APOL2: variants seen among roughly 807,000 people sequenced by gnomAD.
APOL2 encodes the protein apolipoprotein L2.
In APOL2, 8 loss-of-function variants were observed where a neutral mutation model predicts 7.1. The ratio of observed to expected loss-of-function variants is 1.12; its 90% CI spans 0.66 to 2.03. The LOEUF (loss-of-function observed/expected upper bound fraction) is 2.03, where lower values mean the gene tolerates loss of function less well. Ranked by LOEUF, APOL2 falls within the 30% of genes most tolerant of loss-of-function variation. The pLI is 0.00. For missense variants in APOL2, 471 were observed against 415.1 expected, an observed-to-expected ratio of 1.13 and a Z score of -1.17; for synonymous variants, 177 against 159.9, an observed-to-expected ratio of 1.11 and a Z score of -0.81.
At chr22:36,232,909 G>T (rs1471634315) in intron 3 of APOL2, among the ~76,000 whole-genome samples, 2 of 151,662 alleles carry the variant, frequency 1.3e-5, no homozygotes, top group East Asian at 1.9e-4. Flanking sequence ...TGAGTCATCT[G>T]CTGGGTGACA....
Position 36,228,144 on chromosome 22 carries a change from G to C in APOL2, c.274C>G (p.Leu92Val). 1 of 1,614,190 alleles carries C rather than the reference G, an allele frequency of 6.2e-7. No individual in the cohort carries two copies. Among genetic ancestry groups the C allele is most frequent in the Non-Finnish European group, 8.5e-7 (1 of 1,180,044 alleles). The change falls in exon 5 of 5, where the codon CTT becomes GTT. Residue 92 changes from leucine (L) to valine (V), a missense_variant. Coordinates refer to ENST00000358502, the MANE Select transcript of APOL2 (RefSeq NM_030882.4). ...CGGAGCTTCCTTATGTGATCCTCAA[G>C]CTCCCTTTTCAACCGAGGAAACTCT... ...LKEFPRLKRE[L>V]EDHIRKLRAL...
chr22:36,239,102 A>G, intron 1 of APOL2: 2 of 1,159,400 alleles, frequency 1.7e-6, no homozygotes, highest in South Asian at 2.9e-5. Flanking sequence ...ATTCCTTCAA[A>G]TTTCCCAAAG....
At chr22:36,233,720 C>A (rs562175315) in intron 1 of APOL2, among the ~76,000 whole-genome samples, 6 of 152,198 alleles carry the variant, frequency 3.9e-5, no homozygotes, top group African/African-American at 1.4e-4. Context: ...ACAGAGGAAT[C>A]CACAAAAGTT....
chr22:36,237,254 C>G, intron 1 of APOL2: 1 of 1,359,346 alleles, frequency 7.4e-7, no homozygotes, highest in African/African-American at 1.5e-5. Flanking sequence ...ACTGAGCGAC[C>G]TGGAAGAGGA....
rs2015081779 is a variant in APOL2, at chr22:36,228,052, A to G, written c.366T>C (p.Ser122=). 1.2e-6 allele frequency: 2 copies of G among 1,614,114 alleles called. No individual in the cohort carries two copies. The highest frequency in any genetic ancestry group is 2.2e-5 in the East Asian group (1 of 44,902). ...GTTIANVVSN[S]VGTTSGILTL... is the part of the protein sequence containing the mutation. ...TCAGGATGCCAGAGGTAGTGCCAAC[A>G]GAGTTGGACACCACATTGGCAATGG... Residue 122 remains serine, a synonymous_variant, in exon 5 of 5, where the codon TCT becomes TCC. Transcript: ENST00000358502.
At chr22:36,239,785 G>A (rs952496998), upstream of APOL2, 4 of 464,206 alleles carry the variant, frequency 8.6e-6, no homozygotes, top group Non-Finnish European at 1.2e-5. Context: ...CCATGTCTCA[G>A]GCAGTCAGAA....
At chr22:36,236,790 T>C in intron 1 of APOL2, 9 of 1,100,878 alleles carry the variant, frequency 8.2e-6, no homozygotes, top group Non-Finnish European at 8.8e-6. Flanking sequence ...ATATCTGTCT[T>C]CTGGGGCCCC....
At chr22:36,228,446 T>C (rs2015102009) in intron 4 of APOL2, among the ~76,000 whole-genome samples, 166 bp from the exon 5 acceptor site, 1 of 152,242 alleles carries the variant, frequency 6.6e-6, no homozygotes, top group Admixed American at 6.5e-5. Flanking sequence ...ACACATTTTG[T>C]TCATCATAGA....
rs931103295 is a variant in APOL2 at position 36,239,506 on chromosome 22, T to C, written c.-199A>G. 3.2e-6 allele frequency: 5 copies of C among 1,586,364 alleles called. No individual in the cohort carries two copies. Among genetic ancestry groups the C allele is most frequent in the Non-Finnish European group, 4.3e-6 (5 of 1,173,050 alleles). On this transcript the variant is annotated 5_prime_UTR_variant, in exon 1 of 5. Coordinates refer to ENST00000358502, the MANE Select transcript of APOL2 (RefSeq NM_030882.4). ...TGTTCTGAGCTGTGTGGATCCCACG[T>C]CCAGCTGTGCATCTGTGTAATAACC...
At chr22:36,229,268 T>A (rs3859842) in intron 4 of APOL2, among the ~76,000 whole-genome samples, 59,654 of 152,034 alleles carry the variant, frequency 0.39, 12,461 homozygotes, top group Middle Eastern at 0.47. Flanking sequence ...GCGTCTCCTG[T>A]CAGTCCTGTT....
chr22:36,233,042 A>C (rs6000211), intron 3 of APOL2, 111 bp downstream of exon 3: 1 of 1,136,438 alleles, frequency 8.8e-7, no homozygotes, highest in African/African-American at 1.5e-5. Context: ...GGGCAGACTC[A>C]TTGGCCTCCT....
chr22:36,237,096 C>T (rs1204765301), intron 1 of APOL2: 3 of 1,534,160 alleles, frequency 2.0e-6, no homozygotes, highest in South Asian at 2.4e-5. Context: ...ATCCAGGATC[C>T]CATCCTCCTG....
upstream of APOL2, chr22:36,239,773 G>T: frequency 2.1e-6 from 1 of 487,736 alleles, no homozygotes; most frequent in East Asian, 3.6e-5. Context: ...TGTGTCAGCT[G>T]CCCATGTCTC....
At position 36,227,460 on chromosome 22, in the gene APOL2, T is replaced by TC; in HGVS notation, c.957dup (p.Lys320GlufsTer10). 6.2e-7 allele frequency: 1 copy of TC among 1,613,774 alleles called. No individual in the cohort carries two copies. The highest frequency in any genetic ancestry group is 8.5e-7 in the Non-Finnish European group (1 of 1,179,832). The stretch of plus-strand genomic sequence containing the variant: ...TGGATCTTGGTGAGAAAGTTGAGCT[T>TC]CCCCTCCAGCTCCTGAGCCCGCTTC... On this transcript the variant is annotated frameshift_variant, in exon 5 of 5. Transcript: ENST00000358502. LOFTEE classifies it low-confidence loss of function (END_TRUNC).
Position 36,239,513 on chromosome 22 carries a change from G to C in APOL2, c.-206C>G, listed in dbSNP as rs1474244847. Reference sequence around the variant, plus strand: ...AGCTGTGTGGATCCCACGTCCAGCTGTGCATCTGTGTAATAACCAGACACG... The same window carrying C: ...AGCTGTGTGGATCCCACGTCCAGCTCTGCATCTGTGTAATAACCAGACACG... On this transcript the variant is annotated 5_prime_UTR_variant, in exon 1 of 5. Coordinates refer to ENST00000358502, the MANE Select transcript of APOL2 (RefSeq NM_030882.4). 2 of 1,586,216 alleles carry C rather than the reference G, an allele frequency of 1.3e-6. No individual in the cohort carries two copies. Among genetic ancestry groups the C allele is most frequent in the African/African-American group, 2.7e-5 (2 of 74,602 alleles).
Position 36,228,184 on chromosome 22 carries a change from C to T in APOL2, c.234G>A (p.Arg78=). ...GAGGAAACTCTTTCAAAAACCACTG[C>T]CTGTGCTGCTGGTCTTTATCGTGGC... ...KNRHDKDQQH[R]QWFLKEFPRL... is the part of the protein sequence containing the mutation. Residue 78 remains arginine (R), a synonymous_variant, in exon 5 of 5, where the codon AGG becomes AGA. Coordinates refer to ENST00000358502, the MANE Select transcript of APOL2 (RefSeq NM_030882.4). The T allele has an allele frequency of 1.9e-6, 3 of 1,614,180 alleles. No individual in the cohort carries two copies. Among genetic ancestry groups the T allele is most frequent in the African/African-American group, 1.3e-5 (1 of 75,030 alleles).
intron 1 of APOL2, chr22:36,239,223 TC>T: frequency 7.5e-7 from 1 of 1,341,472 alleles, no homozygotes; most frequent in Non-Finnish European, 9.6e-7. Context: ...TAAGCTGTTT[TC>T]CCCACCTCTC....
intron 1 of APOL2, among the ~76,000 whole-genome samples, chr22:36,233,949 C>T (rs367795788): frequency 2.0e-5 from 3 of 152,160 alleles, no homozygotes; most frequent in African/African-American, 7.2e-5. Context: ...CAGCCTGTGT[C>T]CCCGTTGCTT....
At chr22:36,230,067 AT>A (rs2015164105) in intron 4 of APOL2, among the ~76,000 whole-genome samples, 1 of 152,240 alleles carries the variant, frequency 6.6e-6, no homozygotes, top group South Asian at 2.1e-4. Flanking sequence ...GTGCAATTTT[AT>A]GGAACCACTA....
Sources: allele counts gnomAD v4.1 joint callset (sites outside exome capture counted in the v4.1 genomes callset), GRCh38; gene constraint gnomAD v4.1.1; transcripts MANE v1.5; gene names NCBI Gene and HGNC (gene_info 2026-07-23, HGNC 2026-07-21).